Variants in TENM2 observed in about 807,000 individuals in gnomAD.
TENM2 encodes the protein teneurin transmembrane protein 2, also known as teneurin-2.
In TENM2, 52 loss-of-function variants were observed where a neutral mutation model predicts 245.2. That is an observed-to-expected ratio of 0.21 (90% CI 0.17 to 0.27). The LOEUF (loss-of-function observed/expected upper bound fraction) is 0.27. Ranked by LOEUF, TENM2 falls within the 10% of genes least tolerant of loss-of-function variation. TENM2 has a pLI of 1.00. For missense variants in TENM2, 3,046 were observed against 3,666.8 expected (o/e 0.83, Z 4.37); for synonymous variants, 1,363 against 1,438.9 (o/e 0.95, Z 1.19).
At chr5:167,462,300 A>C (rs1032107682) in intron 2 of TENM2, among the ~76,000 whole-genome samples, 63 of 150,994 alleles carry the variant, frequency 4.2e-4, no homozygotes, top group Middle Eastern at 3.5e-3. Context: ...GAGCCAGGGC[A>C]AGTGATTTTG....
At chr5:167,339,789 A>G (rs1200903681) in intron 1 of TENM2, among the ~76,000 whole-genome samples, 1 of 151,996 alleles carries the variant, frequency 6.6e-6, no homozygotes, top group East Asian at 1.9e-4. Context: ...CTTGATGGAG[A>G]TAGTTTTGTT....
the TENM2 span, among the ~76,000 whole-genome samples, chr5:167,267,312 A>T: frequency 1.3e-5 from 2 of 152,134 alleles, no homozygotes; most frequent in East Asian, 3.8e-4. Flanking sequence ...TCCAGGGTTT[A>T]AAGAGTGTAT....
At chr5:167,073,035 A>G in the TENM2 span, among the ~76,000 whole-genome samples, 1 of 152,214 alleles carries the variant, frequency 6.6e-6, no homozygotes, top group East Asian at 1.9e-4. Flanking sequence ...AGTCAAAGTG[A>G]CTTAACTAAT....
intron 2 of TENM2, among the ~76,000 whole-genome samples, chr5:167,570,413 C>T (rs918529362): frequency 2.9e-5 from 4 of 136,712 alleles, no homozygotes; most frequent in South Asian, 4.8e-4. Context: ...CCTCTTAAAA[C>T]GGCTGTTTTC....
intron 5 of TENM2, among the ~76,000 whole-genome samples, chr5:168,008,278 G>A (rs1258653329): frequency 6.6e-6 from 1 of 152,196 alleles, no homozygotes; most frequent in Non-Finnish European, 1.5e-5. Context: ...TTAATAGGGT[G>A]TTATGAGGAG....
chr5:167,357,343 C>T (rs1367899906), intron 1 of TENM2, among the ~76,000 whole-genome samples: 4 of 146,624 alleles, frequency 2.7e-5, no homozygotes, highest in Admixed American at 7.0e-5. Context: ...AGTTCAGTGG[C>T]GCAATCTCAG....
chr5:167,596,740 G>T (rs1776241033), intron 2 of TENM2, among the ~76,000 whole-genome samples: 1 of 150,526 alleles, frequency 6.6e-6, no homozygotes, highest in African/African-American at 2.5e-5. Context: ...AGCTTGCAGT[G>T]AGCCGAGATC....
intron 3 of TENM2, among the ~76,000 whole-genome samples, chr5:167,927,783 C>T (rs1025359772): frequency 2.0e-5 from 3 of 152,118 alleles, no homozygotes; most frequent in African/African-American, 7.2e-5. Context: ...GAGCTCCTGC[C>T]TTGGCTTGCC....
chr5:167,325,187 A>G (rs76812598), intron 1 of TENM2, among the ~76,000 whole-genome samples: 1,840 of 152,352 alleles, frequency 0.012, 44 homozygotes, highest in African/African-American at 0.041. Flanking sequence ...AAGCAGGAAT[A>G]TTATGGCAGA....
At chr5:167,790,220 G>T (rs1236168196) in intron 2 of TENM2, among the ~76,000 whole-genome samples, 1 of 152,128 alleles carries the variant, frequency 6.6e-6, no homozygotes, top group Non-Finnish European at 1.5e-5. Flanking sequence ...GCAGAATACG[G>T]TCTGTTTCTA....
At chr5:167,117,464 C>T in the TENM2 span, among the ~76,000 whole-genome samples, 2 of 152,016 alleles carry the variant, frequency 1.3e-5, no homozygotes, top group African/African-American at 4.8e-5. Flanking sequence ...GATCGCACCC[C>T]TGCACTCCAG....
chr5:168,060,270 A>G (rs1158943730), intron 6 of TENM2, among the ~76,000 whole-genome samples: 1 of 151,884 alleles, frequency 6.6e-6, no homozygotes, highest in African/African-American at 2.4e-5. Context: ...TTAAGCAGAC[A>G]GGGATGGTGG....
At chr5:167,993,948 G>T (rs530566811) in intron 5 of TENM2, among the ~76,000 whole-genome samples, 1 of 152,354 alleles carries the variant, frequency 6.6e-6, no homozygotes, top group East Asian at 1.9e-4. Context: ...ACCACAGAAA[G>T]TGGCAGATGC....
At chr5:167,108,820 A>C in the TENM2 span, among the ~76,000 whole-genome samples, 3 of 152,228 alleles carry the variant, frequency 2.0e-5, no homozygotes, top group African/African-American at 2.4e-5. Context: ...GCCTAATATG[A>C]CTTTTTTTCA....
At chr5:166,998,583 G>T in the TENM2 span, among the ~76,000 whole-genome samples, 4 of 152,052 alleles carry the variant, frequency 2.6e-5, no homozygotes, top group Non-Finnish European at 5.9e-5. Context: ...AACTCTAAAG[G>T]ACAAATATCT....
the TENM2 span, among the ~76,000 whole-genome samples, chr5:167,028,251 A>G: frequency 7.2e-5 from 11 of 152,136 alleles, no homozygotes; most frequent in Non-Finnish European, 1.0e-4. Context: ...TTCTGTCACC[A>G]TAACATTTAA....
chr5:167,147,405 A>T, the TENM2 span, among the ~76,000 whole-genome samples: 1 of 152,218 alleles, frequency 6.6e-6, no homozygotes, highest in East Asian at 1.9e-4. Context: ...GGGTATTCGG[A>T]TGTTGATGGC....
At chr5:167,951,193 A>G (rs538723352) in intron 3 of TENM2, among the ~76,000 whole-genome samples, 1 of 152,336 alleles carries the variant, frequency 6.6e-6, no homozygotes, top group East Asian at 1.9e-4. Context: ...GCCCGGCCAC[A>G]TAAGGAGACA....
At chr5:167,876,855 T>C (rs1478569186) in intron 3 of TENM2, among the ~76,000 whole-genome samples, 1 of 152,172 alleles carries the variant, frequency 6.6e-6, no homozygotes, top group East Asian at 1.9e-4. Flanking sequence ...TTCTCATTCA[T>C]GGAACAGGGA....
Sources: allele counts gnomAD v4.1 joint callset (sites outside exome capture counted in the v4.1 genomes callset), GRCh38; gene constraint gnomAD v4.1.1; transcripts MANE v1.5; gene names NCBI Gene and HGNC (gene_info 2026-07-23, HGNC 2026-07-21).